The following ZC3H3 variants were observed in gnomAD, a reference collection of about 807,000 sequenced individuals.
The protein encoded by ZC3H3 is zinc finger CCCH-type containing 3.
In ZC3H3, 36 loss-of-function variants were observed where a neutral mutation model predicts 77.3. The observed-to-expected ratio is 0.47, with a 90% confidence interval of 0.36 to 0.61. The LOEUF is 0.61. ZC3H3 is among the 20% of genes least tolerant of loss of function. The pLI is 0.00. For missense variants in ZC3H3, 1,331 were observed against 1,312.2 expected, an observed-to-expected ratio of 1.01 and a Z score of -0.22; for synonymous variants, 626 against 555.2, an observed-to-expected ratio of 1.13 and a Z score of -1.79.
chr8:143,540,458 G>C (rs1351590631), intron 1 of ZC3H3, among the ~76,000 whole-genome samples: 1 of 152,110 alleles, frequency 6.6e-6, no homozygotes, highest in Admixed American at 6.5e-5. Context: ...TCAAACTCCC[G>C]GGCTCAAGCC....
chr8:143,498,777 G>A lies in ZC3H3; in HGVS notation c.1715+8969C>T, dbSNP rs1349974150. 6.7e-5 allele frequency among the ~76,000 whole-genome samples: 9 copies of A among 134,972 alleles called. 1 individual carries two copies. In the South Asian group the frequency reaches 7.8e-4, roughly 12 times the overall value. 88.5% of individuals were successfully genotyped at this position (134,972 alleles called of 152,430 possible). On this transcript the variant is annotated intron_variant, in intron 4 of 11. Transcript: ENST00000262577. ...TACAGGGCGGGGCGGAGGGGCACAG[G>A]GCAGGGCAGGGGGTACAGGGCGGGG...
chr8:143,498,249 G>C (rs1350871995), intron 4 of ZC3H3, among the ~76,000 whole-genome samples: 1 of 152,188 alleles, frequency 6.6e-6, no homozygotes, highest in African/African-American at 2.4e-5. Flanking sequence ...CTCCTACCCA[G>C]TTAAAAATCA....
chr8:143,517,326 A>G (rs1822091278), intron 3 of ZC3H3, among the ~76,000 whole-genome samples: 2 of 152,062 alleles, frequency 1.3e-5, no homozygotes, highest in Admixed American at 1.3e-4. Flanking sequence ...CCTGCCCTCC[A>G]CGGCTGGAGA....
At chr8:143,445,294 T>C (rs989088461) in intron 9 of ZC3H3, among the ~76,000 whole-genome samples, 1 of 151,924 alleles carries the variant, frequency 6.6e-6, no homozygotes, top group South Asian at 2.1e-4. Flanking sequence ...GGCAGGAGAA[T>C]TGCTTGAACC....
intron 4 of ZC3H3, among the ~76,000 whole-genome samples, chr8:143,504,683 T>C (rs762267374): frequency 3.9e-5 from 6 of 152,170 alleles, no homozygotes; most frequent in East Asian, 1.9e-4. Flanking sequence ...TCCCAGCACC[T>C]GGGACCTTCA....
intron 4 of ZC3H3, among the ~76,000 whole-genome samples, chr8:143,483,448 G>A (rs1820963268): frequency 6.6e-6 from 1 of 152,188 alleles, no homozygotes; most frequent in African/African-American, 2.4e-5. Flanking sequence ...AGGGGAGGTG[G>A]TTCTACTGGA....
Position 143,468,374 on chromosome 8 carries a change from G to A in ZC3H3, c.2105+8C>T. On this transcript the variant is annotated splice_region_variant and intron_variant, in intron 7 of 11. Coordinates refer to ENST00000262577, the MANE Select transcript of ZC3H3 (RefSeq NM_015117.3). The stretch of plus-strand genomic sequence containing the variant: ...TCCCCCAGGCCCACAGCGAGGGCAG[G>A]AGGGCACCTGGTGCACACGGCCACC... 6.2e-7 allele frequency: 1 copy of A among 1,612,620 alleles called. No homozygotes were observed. The highest frequency in any genetic ancestry group is 8.5e-7 in the Non-Finnish European group (1 of 1,179,716).
intron 5 of ZC3H3, among the ~76,000 whole-genome samples, chr8:143,469,867 A>G (rs1396934307): frequency 6.6e-6 from 1 of 152,210 alleles, no homozygotes; most frequent in East Asian, 1.9e-4. Context: ...AATTTCCTAC[A>G]GGGCAAATGC....
intron 4 of ZC3H3, among the ~76,000 whole-genome samples, chr8:143,505,307 A>G (rs1467387971): frequency 1.3e-5 from 2 of 152,200 alleles, no homozygotes. Context: ...CTGAGGGTCC[A>G]GCCACATGCA....
At chr8:143,540,008 T>C (rs1240105058) in intron 1 of ZC3H3, among the ~76,000 whole-genome samples, 1 of 152,156 alleles carries the variant, frequency 6.6e-6, no homozygotes, top group Non-Finnish European at 1.5e-5. Flanking sequence ...CTCCCAGTTA[T>C]CAGCATTCCC....
intron 3 of ZC3H3, among the ~76,000 whole-genome samples, chr8:143,524,429 G>C (rs1822346836): frequency 6.6e-6 from 1 of 152,248 alleles, no homozygotes; most frequent in African/African-American, 2.4e-5. Flanking sequence ...CTTCATGCCT[G>C]ACTGTGCTGG....
rs1320932873 is a variant in ZC3H3 at position 143,462,084 on chromosome 8, C to T, written c.2307+3633G>A. Among the ~76,000 whole-genome samples, 2 of 152,046 alleles carry T rather than the reference C, an allele frequency of 1.3e-5. No homozygotes were observed. Among genetic ancestry groups the T allele is most frequent in the African/African-American group, 2.4e-5 (1 of 41,384 alleles). On this transcript the variant is annotated intron_variant, in intron 9 of 11. Transcript: ENST00000262577. The surrounding 1 kb of genome is among the most constrained non-coding windows in gnomAD (Gnocchi z 4.7). ...CTAAGTGAGGCCCCACCTCACACAA[C>T]ACGCAAATGAAGAACAGCAAACGGC...
At chr8:143,490,480 T>C (rs1040957111) in intron 4 of ZC3H3, among the ~76,000 whole-genome samples, 4 of 152,040 alleles carry the variant, frequency 2.6e-5, no homozygotes, top group Admixed American at 2.0e-4. Flanking sequence ...GCTGTCACCC[T>C]CCTCCCCAGT....
At chr8:143,535,991 G>A (rs1201596481) in intron 3 of ZC3H3, among the ~76,000 whole-genome samples, 4 of 152,220 alleles carry the variant, frequency 2.6e-5, no homozygotes, top group African/African-American at 9.7e-5. Flanking sequence ...CCCTCAGGAG[G>A]GACACAGCTG....
chr8:143,523,783 C>T (rs1458522315), intron 3 of ZC3H3, among the ~76,000 whole-genome samples: 2 of 152,246 alleles, frequency 1.3e-5, no homozygotes, highest in African/African-American at 2.4e-5. Context: ...TGCCTCCCAC[C>T]GCTGACCTGC....
chr8:143,451,296 A>C (rs1390090222), intron 9 of ZC3H3, among the ~76,000 whole-genome samples: 1 of 152,228 alleles, frequency 6.6e-6, no homozygotes, highest in Admixed American at 6.5e-5. Context: ...AAAGAACACT[A>C]GCAAAACCAA....
Position 143,440,984 on chromosome 8 carries a change from G to A in ZC3H3, c.2444C>T (p.Pro815Leu), listed in dbSNP as rs770646086. 6.9e-7 allele frequency: 1 copy of A among 1,458,802 alleles called. No homozygotes were observed. Among genetic ancestry groups the A allele is most frequent in the Non-Finnish European group, 9.0e-7 (1 of 1,111,554 alleles). The allele number at this position is 1,458,802 out of a possible 1,614,324, so 90.4% of individuals were successfully genotyped here. A position where few individuals can be genotyped will look rare whatever the true frequency, so the allele number is the denominator to read the frequency against. The change falls in exon 10 of 12, where the codon CCC (proline) becomes CTC (leucine). Residue 815 changes from proline to leucine, a missense_variant. Transcript: ENST00000262577. ...RRAATSPAPG[P>L]SDATARSRVS... Reference sequence around the variant, plus strand: ...CCTGCTCCTGGCGGTTGCGTCGCTGGGCCCTGGGGCGGGGGACGTGGCTGC... The same window carrying A: ...CCTGCTCCTGGCGGTTGCGTCGCTGAGCCCTGGGGCGGGGGACGTGGCTGC...
chr8:143,509,056 C>A (rs567488453), intron 3 of ZC3H3, among the ~76,000 whole-genome samples: 2 of 152,148 alleles, frequency 1.3e-5, no homozygotes, highest in African/African-American at 4.8e-5. Flanking sequence ...GTCCAGATGT[C>A]AGCAAAGAGC....
At chr8:143,501,689 C>A (rs1194396724) in intron 4 of ZC3H3, among the ~76,000 whole-genome samples, 3 of 152,082 alleles carry the variant, frequency 2.0e-5, no homozygotes, top group African/African-American at 7.2e-5. Context: ...TCCCACGGTC[C>A]TCTGACTACA....
Sources: allele counts gnomAD v4.1 joint callset (sites outside exome capture counted in the v4.1 genomes callset), GRCh38; gene constraint gnomAD v4.1.1; non-coding constraint Gnocchi (gnomAD v3.1); transcripts MANE v1.5; gene names NCBI Gene and HGNC (gene_info 2026-07-23, HGNC 2026-07-21).